The following DAB1 variants were observed in gnomAD, a reference collection of about 807,000 sequenced individuals.
The protein encoded by DAB1 is disabled homolog 1.
In DAB1, 15 loss-of-function variants were observed where a neutral mutation model predicts 64.6. The ratio of observed to expected loss-of-function variants is 0.23; its 90% CI spans 0.16 to 0.36. DAB1 has a LOEUF of 0.36. Ranked by LOEUF, DAB1 falls within the 10% of genes least tolerant of loss-of-function variation. DAB1 has a pLI of 1.00. For missense variants in DAB1, 596 were observed against 706.7 expected (o/e 0.84, Z 1.78); for synonymous variants, 235 against 251.9 (o/e 0.93, Z 0.64).
At chr1:57,965,768 A>T (rs1645648733) in intron 5 of DAB1, among the ~76,000 whole-genome samples, 1 of 152,134 alleles carries the variant, frequency 6.6e-6, no homozygotes, top group Non-Finnish European at 1.5e-5. Context: ...GTCCTCAGGG[A>T]GCTCACAATC....
chr1:57,142,305 C>CT (rs1163911271), intron 3 of DAB1, among the ~76,000 whole-genome samples: 4 of 145,124 alleles, frequency 2.8e-5, no homozygotes, highest in East Asian at 4.0e-4. Context: ...GTAAGTGGGC[C>CT]TTTTTGGAAG....
At chr1:57,517,149 C>T (rs1218534749) in intron 7 of DAB1, among the ~76,000 whole-genome samples, 2 of 151,870 alleles carry the variant, frequency 1.3e-5, no homozygotes, top group Non-Finnish European at 2.9e-5. Flanking sequence ...TCCTTCTTTC[C>T]TTTCTTTTTA....
intron 5 of DAB1, among the ~76,000 whole-genome samples, chr1:57,930,741 C>T (rs1448394582): frequency 6.6e-6 from 1 of 152,184 alleles, no homozygotes; most frequent in Non-Finnish European, 1.5e-5. Flanking sequence ...TATAATTCTT[C>T]ATTCCAGAAG....
intron 5 of DAB1, among the ~76,000 whole-genome samples, chr1:58,010,064 G>A (rs1402900154): frequency 1.3e-5 from 2 of 152,166 alleles, no homozygotes; most frequent in Admixed American, 6.6e-5. Context: ...GCAGACCTAG[G>A]AGTCAAGTGT....
intron 5 of DAB1, among the ~76,000 whole-genome samples, chr1:58,150,144 T>C (rs1654838563): frequency 6.6e-6 from 1 of 152,094 alleles, no homozygotes; most frequent in African/African-American, 2.4e-5. Flanking sequence ...GAAGAAAACC[T>C]CAGAGAGGCT....
In DAB1 at chr1:57,054,470, C is replaced by CTTTT. The variant is rs58175883; in HGVS notation, c.723+8410_723+8413dup. Among the ~76,000 whole-genome samples the CTTTT allele has an allele frequency of 6.8e-4, 47 of 69,470 alleles. 1 individual carries two copies. The highest frequency in any genetic ancestry group is 8.0e-4 in the Non-Finnish European group (31 of 38,652). 45.6% of individuals were successfully genotyped at this position (69,470 alleles called of 152,430 possible). A position where few individuals can be genotyped will look rare whatever the true frequency, so the allele number is the denominator to read the frequency against. ...ACCTTCCTCTCCACTCAGGAATGTG[C>CTTTT]TTTTTTTTTTTTTTTTTTTTTTTTT... is the stretch of plus-strand genomic sequence containing the variant. On this transcript the variant is annotated intron_variant, in intron 9 of 14. Coordinates refer to ENST00000371236, the MANE Select transcript of DAB1 (RefSeq NM_001365792.1).
At chr1:58,186,099 G>A (rs1383100294) in intron 4 of DAB1, among the ~76,000 whole-genome samples, 1 of 152,206 alleles carries the variant, frequency 6.6e-6, no homozygotes, top group Non-Finnish European at 1.5e-5. Flanking sequence ...AAACTATCAT[G>A]AGGCAGTGGC....
intron 4 of DAB1, among the ~76,000 whole-genome samples, chr1:58,338,590 C>T (rs909564307): frequency 1.3e-5 from 2 of 152,116 alleles, no homozygotes; most frequent in Non-Finnish European, 2.9e-5. Flanking sequence ...ACTCAGTCTT[C>T]GAATATATCC....
intron 5 of DAB1, among the ~76,000 whole-genome samples, chr1:57,986,545 A>G (rs1646223677): frequency 1.3e-5 from 2 of 152,200 alleles, no homozygotes; most frequent in Non-Finnish European, 2.9e-5. Flanking sequence ...GCCACAATGG[A>G]CTAAGACACC....
At chr1:58,488,404 T>G (rs1174327955) in intron 3 of DAB1, among the ~76,000 whole-genome samples, 3 of 152,346 alleles carry the variant, frequency 2.0e-5, no homozygotes, top group Non-Finnish European at 4.4e-5. Flanking sequence ...TGGTGACTTC[T>G]GAGATTCTGG....
chr1:57,045,413 G>A (rs548742780), intron 9 of DAB1, among the ~76,000 whole-genome samples: 30 of 152,250 alleles, frequency 2.0e-4, no homozygotes, highest in Admixed American at 7.2e-4. Flanking sequence ...AAAGTAGGGT[G>A]GCGGCTGGGT....
chr1:58,370,988 C>T (rs1644260036), intron 3 of DAB1, among the ~76,000 whole-genome samples: 2 of 152,108 alleles, frequency 1.3e-5, no homozygotes, highest in South Asian at 4.1e-4. Flanking sequence ...AGAATGGATA[C>T]CAAGGTAGTG....
At chr1:58,084,743 T>C (rs1160684816) in intron 5 of DAB1, among the ~76,000 whole-genome samples, 1 of 151,360 alleles carries the variant, frequency 6.6e-6, no homozygotes, top group Non-Finnish European at 1.5e-5. Context: ...GAGAAATGCC[T>C]ACTTCAGAGG....
At chr1:58,483,343 T>C (rs1212013060) in intron 3 of DAB1, among the ~76,000 whole-genome samples, 4 of 152,136 alleles carry the variant, frequency 2.6e-5, no homozygotes, top group African/African-American at 9.7e-5. Flanking sequence ...TGCTAACATT[T>C]CATTGAGTCC....
At chr1:57,056,525 A>AAAAAG (rs1177435727) in intron 9 of DAB1, among the ~76,000 whole-genome samples, 3 of 151,560 alleles carry the variant, frequency 2.0e-5, no homozygotes, top group Non-Finnish European at 2.9e-5. Context: ...AAAAAAGAAA[A>AAAAAG]AAAAGAAAAG....
intron 5 of DAB1, among the ~76,000 whole-genome samples, chr1:58,142,185 C>A (rs948643845): frequency 7.2e-5 from 11 of 152,140 alleles, no homozygotes; most frequent in Non-Finnish European, 7.3e-5. Flanking sequence ...GCTCTCCCTG[C>A]CTCAGTCTCT....
intron 4 of DAB1, among the ~76,000 whole-genome samples, chr1:57,133,845 T>C (rs935947721): frequency 6.6e-6 from 1 of 152,110 alleles, no homozygotes; most frequent in African/African-American, 2.4e-5. Context: ...ACTTCTTTGA[T>C]ATGGAAAAAA....
chr1:57,783,039 C>CTT (rs563238808), intron 6 of DAB1, among the ~76,000 whole-genome samples: 2 of 75,600 alleles, frequency 2.6e-5, no homozygotes, highest in African/African-American at 1.1e-4. Context: ...CTTGCTTGCT[C>CTT]TTTCTTTCTT....
chr1:57,695,262 AAG>A (rs1646811182), intron 6 of DAB1, among the ~76,000 whole-genome samples: 2 of 14,730 alleles, frequency 1.4e-4, no homozygotes, highest in Non-Finnish European at 2.0e-4. Flanking sequence ...AGAAAGAAGG[AAG>A]GAAGGAAGGA....
Sources: gnomAD v4.1 joint callset for allele counts (sites outside exome capture counted in the v4.1 genomes callset) on GRCh38, gnomAD v4.1.1 for gene constraint, MANE v1.5 for transcripts, NCBI Gene and HGNC (gene_info 2026-07-23, HGNC 2026-07-21) for gene names.